Variants in BAG3 observed in about 807,000 individuals in gnomAD.
BAG3 encodes BAG family molecular chaperone regulator 3.
BAG3 carries 14 observed loss-of-function variants against 40.5 expected under a neutral mutation model. The observed-to-expected ratio is 0.35, with a 90% CI of 0.23 to 0.54. The LOEUF is 0.54. Among genes scored for constraint, BAG3 ranks in the 20% least tolerant of loss-of-function variants. The probability of loss-of-function intolerance (pLI) is 0.91; values close to 1 mark genes in which losing one functional copy is unlikely to be tolerated. For missense variants in BAG3, 788 were observed against 758.6 expected (o/e 1.04, Z -0.46); for synonymous variants, 302 against 307.8 (o/e 0.98, Z 0.20).
intron 3 of BAG3, among the ~76,000 whole-genome samples, chr10:119,674,267 G>T (rs750695735): frequency 6.6e-6 from 1 of 152,184 alleles, no homozygotes; most frequent in African/African-American, 2.4e-5. Context: ...CCAAAGTTGC[G>T]AATGTCTGCA....
intron 1 of BAG3, among the ~76,000 whole-genome samples, chr10:119,661,930 T>A (rs1389669774): frequency 1.3e-5 from 2 of 152,226 alleles, no homozygotes; most frequent in Admixed American, 1.3e-4. Context: ...AATGGCTGTT[T>A]ATTGTGTATT....
intron 3 of BAG3, among the ~76,000 whole-genome samples, chr10:119,674,454 C>A (rs1847191851): frequency 6.6e-6 from 1 of 152,152 alleles, no homozygotes; most frequent in African/African-American, 2.4e-5. Context: ...CTGTTCTTAC[C>A]ATTAACCGTG....
chr10:119,675,799 C>CCCTTCCCCCCTTCCCTGCTT (rs1847215217), intron 3 of BAG3, among the ~76,000 whole-genome samples: 2 of 61,360 alleles, frequency 3.3e-5, no homozygotes, highest in African/African-American at 1.2e-4. Context: ...TCCCCCCTTC[C>CCCTTCCCCCCTTCCCTGCTT]CCTTCCCCCC....
intron 1 of BAG3, among the ~76,000 whole-genome samples, chr10:119,668,765 T>C (rs1020817875): frequency 6.6e-6 from 1 of 152,268 alleles, no homozygotes; most frequent in Non-Finnish European, 1.5e-5. Flanking sequence ...AAGCAGGCTC[T>C]GTTGCGTTGA....
intron 1 of BAG3, among the ~76,000 whole-genome samples, chr10:119,665,043 G>T (rs1036139775): frequency 6.8e-6 from 1 of 147,430 alleles, no homozygotes; most frequent in Non-Finnish European, 1.5e-5. Context: ...TCAGCCTCCC[G>T]AGTAGCTGGG....
chr10:119,664,293 C>T lies in BAG3; in HGVS notation c.181-5558C>T, dbSNP rs115777748. Among the ~76,000 whole-genome samples, 535 of 152,260 alleles carry T rather than the reference C, an allele frequency of 3.5e-3. 5 individuals carry two copies. The highest frequency in any genetic ancestry group is 0.012 in the African/African-American group (515 of 41,544). ...ATTTTTTTCCTGCTTTCTATCTTGG[C>T]CATCTCATGGAGTTGTTTGGTGCCC... On this transcript the variant is annotated intron_variant, in intron 1 of 3. Coordinates refer to ENST00000369085, the MANE Select transcript of BAG3 (RefSeq NM_004281.4).
chr10:119,657,633 T>A (rs913659756), intron 1 of BAG3: 1 of 470,622 alleles, frequency 2.1e-6, no homozygotes, highest in Non-Finnish European at 4.4e-6. Context: ...CTCCTAAAGG[T>A]CCCCAGAGGC....
At chr10:119,666,103 C>T (rs1280963946) in intron 1 of BAG3, among the ~76,000 whole-genome samples, 1 of 152,220 alleles carries the variant, frequency 6.6e-6, no homozygotes, top group Admixed American at 6.5e-5. Flanking sequence ...GTGCCCTTTA[C>T]CCTCCAGGCC....
At chr10:119,656,743 G>A (rs1037373872) in intron 1 of BAG3, 1 of 152,064 alleles carries the variant, frequency 6.6e-6, no homozygotes, top group African/African-American at 2.4e-5. Flanking sequence ...GAAGAATTTG[G>A]GGGGAGAGGA....
chr10:119,674,332 C>T (rs1325979552), intron 3 of BAG3, among the ~76,000 whole-genome samples: 1 of 152,160 alleles, frequency 6.6e-6, no homozygotes, highest in East Asian at 1.9e-4. Context: ...ACAGCTACAT[C>T]GATCCATACT....
chr10:119,659,225 C>G (rs932037802), intron 1 of BAG3, among the ~76,000 whole-genome samples: 2 of 152,226 alleles, frequency 1.3e-5, no homozygotes, highest in African/African-American at 4.8e-5. Context: ...GATGCATCTC[C>G]CCATCCTCTG....
intron 3 of BAG3, among the ~76,000 whole-genome samples, chr10:119,675,353 A>T (rs777710379): frequency 1.3e-5 from 2 of 152,184 alleles, no homozygotes; most frequent in Non-Finnish European, 2.9e-5. Context: ...CTATATATCT[A>T]TATGGCTGTA....
intron 3 of BAG3, among the ~76,000 whole-genome samples, chr10:119,674,029 C>T (rs926330928): frequency 2.0e-5 from 3 of 152,228 alleles, no homozygotes; most frequent in African/African-American, 7.2e-5. Flanking sequence ...AGTTTGCCCC[C>T]ACTTCCAGGA....
chr10:119,655,381 C>T (rs1458542875), intron 1 of BAG3, among the ~76,000 whole-genome samples: 6 of 152,144 alleles, frequency 3.9e-5, no homozygotes, highest in Admixed American at 2.0e-4. Flanking sequence ...GGCAGAATCT[C>T]ACCATAATCA....
At chr10:119,663,742 T>A (rs957635615) in intron 1 of BAG3, among the ~76,000 whole-genome samples, 1 of 152,108 alleles carries the variant, frequency 6.6e-6, no homozygotes, top group Admixed American at 6.5e-5. Context: ...GTTTGGGGGC[T>A]TGTATAGCTG....
Position 119,677,048 on chromosome 10 carries a change from C to T in BAG3, c.1494C>T (p.Ala498=). The change falls in exon 4 of 4, where the codon GCC becomes GCT. Residue 498 remains alanine, a synonymous_variant. Transcript: ENST00000369085. ...QTILEKLEQK[A]IDVPGQVQVY... is the part of the protein sequence containing the mutation. The stretch of plus-strand genomic sequence containing the variant: ...TCTTGGAAAAACTTGAACAGAAAGC[C>T]ATTGATGTCCCAGGTCAAGTCCAGG... 6.2e-7 allele frequency: 1 copy of T among 1,614,178 alleles called. No individual in the cohort carries two copies. Among genetic ancestry groups the T allele is most frequent in the East Asian group, 2.2e-5 (1 of 44,890 alleles).
intron 1 of BAG3, among the ~76,000 whole-genome samples, chr10:119,652,365 A>C (rs1435722559): frequency 2.0e-5 from 3 of 152,218 alleles, no homozygotes; most frequent in African/African-American, 4.8e-5. Context: ...AAGTTCTCCA[A>C]CTTGGTTGAG....
chr10:119,664,376 A>G (rs1847031601), intron 1 of BAG3, among the ~76,000 whole-genome samples: 4 of 152,242 alleles, frequency 2.6e-5, no homozygotes, highest in Admixed American at 2.6e-4. Context: ...AGGGGGCAGA[A>G]TTAGCCAATT....
chr10:119,676,663 C>T lies in BAG3; in HGVS notation c.1109C>T (p.Pro370Leu), dbSNP rs746602007. ...EKVEVKVPPA[P>L]VPCPPPSPGP... ...GTAGAGGTGAAAGTTCCCCCTGCTC[C>T]AGTTCCTTGTCCTCCTCCCAGCCCT... The change falls in exon 4 of 4, where the codon CCA becomes CTA. Residue 370 changes from proline (P) to leucine (L), a missense_variant. Coordinates refer to ENST00000369085, the MANE Select transcript of BAG3 (RefSeq NM_004281.4). 1.2e-6 allele frequency: 2 copies of T among 1,614,162 alleles called. No homozygotes were observed. The highest frequency in any genetic ancestry group is 1.1e-5 in the South Asian group (1 of 91,074).
Sources: allele counts gnomAD v4.1 joint callset (sites outside exome capture counted in the v4.1 genomes callset), GRCh38; gene constraint gnomAD v4.1.1; transcripts MANE v1.5; gene names NCBI Gene and HGNC (gene_info 2026-07-23, HGNC 2026-07-21).